Variants in ZNF385D observed in about 807,000 individuals in gnomAD.
ZNF385D encodes the protein zinc finger protein 659.
Under a neutral mutation model 35.8 loss-of-function variants are expected in ZNF385D, and 15 were observed. That is an observed-to-expected ratio of 0.42 (90% confidence interval 0.28 to 0.64). ZNF385D has a LOEUF of 0.64. ZNF385D is among the 30% of genes least tolerant of loss of function. The pLI is 0.23. For synonymous variants in ZNF385D, 212 were observed against 186.8 expected, an observed-to-expected ratio of 1.13 and a Z score of -1.10; for missense variants, 474 against 494.6, an observed-to-expected ratio of 0.96 and a Z score of 0.39.
intron 2 of ZNF385D, among the ~76,000 whole-genome samples, chr3:22,193,955 C>T (rs1024350707): frequency 2.0e-5 from 3 of 151,710 alleles, no homozygotes; most frequent in Admixed American, 1.3e-4. Context: ...GCATTTTTTC[C>T]TTAATTTTGC....
intron 2 of ZNF385D, among the ~76,000 whole-genome samples, chr3:21,638,306 A>T (rs2065505686): frequency 6.6e-6 from 1 of 152,078 alleles, no homozygotes; most frequent in Non-Finnish European, 1.5e-5. Context: ...AGGTTTGGAA[A>T]TTAGTGTTTC....
At chr3:21,811,355 T>C (rs546955243) in intron 3 of ZNF385D, among the ~76,000 whole-genome samples, 2 of 152,180 alleles carry the variant, frequency 1.3e-5, no homozygotes, top group Non-Finnish European at 1.5e-5. Flanking sequence ...AGAGGAAATA[T>C]TCAAGAGACC....
intron 3 of ZNF385D, among the ~76,000 whole-genome samples, chr3:21,824,174 G>C (rs1437798580): frequency 1.3e-5 from 2 of 152,154 alleles, no homozygotes; most frequent in East Asian, 1.9e-4. Flanking sequence ...TCATAGTAGA[G>C]TGCACCACTG....
chr3:21,701,368 T>A (rs1029985220), intron 1 of ZNF385D, among the ~76,000 whole-genome samples: 1 of 152,122 alleles, frequency 6.6e-6, no homozygotes, highest in Admixed American at 6.5e-5. Context: ...TCGTGAGACT[T>A]ATTCACCATC....
intron 2 of ZNF385D, among the ~76,000 whole-genome samples, chr3:22,185,009 T>C (rs369954952): frequency 2.0e-5 from 3 of 152,130 alleles, no homozygotes; most frequent in Non-Finnish European, 2.9e-5. Context: ...TAAATAAACA[T>C]GAGTTTTCTC....
At chr3:22,072,538 A>T (rs1700278816) in intron 3 of ZNF385D, among the ~76,000 whole-genome samples, 1 of 151,994 alleles carries the variant, frequency 6.6e-6, no homozygotes, top group Non-Finnish European at 1.5e-5. Flanking sequence ...TTCTATGGAG[A>T]TTGGTTATAG....
intron 3 of ZNF385D, among the ~76,000 whole-genome samples, chr3:21,815,264 A>G (rs2073096094): frequency 6.6e-6 from 1 of 152,210 alleles, no homozygotes; most frequent in South Asian, 2.1e-4. Context: ...CTAACATCAC[A>G]ATTAAAAGAA....
At chr3:21,884,650 T>A (rs375850274) in intron 3 of ZNF385D, among the ~76,000 whole-genome samples, 1 of 152,054 alleles carries the variant, frequency 6.6e-6, no homozygotes, top group Non-Finnish European at 1.5e-5. Flanking sequence ...TTTTACTACA[T>A]TTTACTATCA....
At chr3:22,235,545 T>A (rs1448136505) in intron 2 of ZNF385D, among the ~76,000 whole-genome samples, 4 of 152,128 alleles carry the variant, frequency 2.6e-5, no homozygotes, top group Non-Finnish European at 5.9e-5. Context: ...TCAACTCTTA[T>A]GCTAAACAGT....
At chr3:22,284,351 G>A (rs1701918752) in intron 2 of ZNF385D, among the ~76,000 whole-genome samples, 1 of 151,812 alleles carries the variant, frequency 6.6e-6, no homozygotes, top group South Asian at 2.1e-4. Flanking sequence ...ACCACACCCG[G>A]CTATTCTTTT....
chr3:22,320,113 T>C (rs533528551), intron 2 of ZNF385D, among the ~76,000 whole-genome samples: 1 of 151,888 alleles, frequency 6.6e-6, no homozygotes, highest in African/African-American at 2.4e-5. Context: ...TGGTGCTCTA[T>C]ACATCCTCAA....
chr3:21,945,176 TGA>T (rs766738135), intron 3 of ZNF385D, among the ~76,000 whole-genome samples: 1 of 150,010 alleles, frequency 6.7e-6, no homozygotes, highest in African/African-American at 2.5e-5. Flanking sequence ...ATATATATAG[TGA>T]GAGAGAGAGA....
At chr3:21,496,698 C>T (rs1161665270) in intron 4 of ZNF385D, among the ~76,000 whole-genome samples, 2 of 151,496 alleles carry the variant, frequency 1.3e-5, no homozygotes, top group African/African-American at 2.4e-5. Context: ...AAAAGCGAAT[C>T]TACCATAATC....
intron 1 of ZNF385D, among the ~76,000 whole-genome samples, chr3:21,739,503 C>T (rs1032550011): frequency 1.3e-5 from 2 of 152,160 alleles, no homozygotes; most frequent in Non-Finnish European, 2.9e-5. Context: ...AATGGATAAA[C>T]AAGGTCGACA....
intron 3 of ZNF385D, among the ~76,000 whole-genome samples, chr3:22,155,631 G>A (rs1038303140): frequency 6.6e-6 from 1 of 151,976 alleles, no homozygotes; most frequent in Non-Finnish European, 1.5e-5. Flanking sequence ...TTTCCTGATT[G>A]TCTCAAATGT....
intron 2 of ZNF385D, among the ~76,000 whole-genome samples, chr3:21,583,951 C>CTTAT (rs1287837812): frequency 0.024 from 3,166 of 132,858 alleles, 32 homozygotes; most frequent in Middle Eastern, 0.035. Context: ...ATTTATTTTA[C>CTTAT]TTATTTACTT....
intron 1 of ZNF385D, among the ~76,000 whole-genome samples, chr3:21,668,791 C>G (rs1237137827): frequency 1.3e-5 from 2 of 152,140 alleles, no homozygotes; most frequent in African/African-American, 4.8e-5. Context: ...ATCTGTAAAG[C>G]AAAGTAAAAT....
intron 3 of ZNF385D, among the ~76,000 whole-genome samples, chr3:21,513,093 A>G (rs1259021508): frequency 6.6e-6 from 1 of 152,204 alleles, no homozygotes; most frequent in African/African-American, 2.4e-5. Flanking sequence ...TCTCAGTGGC[A>G]TTTAAAATTA....
chr3:21,987,808 A>G (rs1211548327), intron 3 of ZNF385D, among the ~76,000 whole-genome samples: 2 of 128,782 alleles, frequency 1.6e-5, no homozygotes, highest in South Asian at 2.6e-4. Context: ...AGGTACACCA[A>G]TCAGACGTAG....
Sources: gnomAD v4.1 joint callset for allele counts (sites outside exome capture counted in the v4.1 genomes callset) on GRCh38, gnomAD v4.1.1 for gene constraint, MANE v1.5 for transcripts, NCBI Gene and HGNC (gene_info 2026-07-23, HGNC 2026-07-21) for gene names.